Variants in SLC15A5 observed in about 807,000 individuals in gnomAD.
The protein encoded by SLC15A5 is Peptide/histidine transporter ENSP00000340402.
Under a neutral mutation model 56.1 loss-of-function variants are expected in SLC15A5, and 58 were observed. That is an observed-to-expected ratio of 1.03 (90% CI 0.84 to 1.29). The LOEUF is 1.29. Among genes scored for constraint, SLC15A5 ranks in the 50% most tolerant of loss-of-function variants. The pLI is 0.00. For synonymous variants in SLC15A5, 264 were observed against 250.5 expected (o/e 1.05, Z -0.51); for missense variants, 681 against 672.1 (o/e 1.01, Z -0.15).
chr12:16,220,654 T>TTG (rs1591646218), intron 6 of SLC15A5, among the ~76,000 whole-genome samples: 2 of 152,246 alleles, frequency 1.3e-5, no homozygotes, highest in East Asian at 3.8e-4. Context: ...TGAGTAATTG[T>TTG]AACAGAGACT....
intron 8 of SLC15A5, among the ~76,000 whole-genome samples, chr12:16,193,848 T>C (rs1863867747): frequency 9.6e-6 from 1 of 104,470 alleles, no homozygotes; most frequent in African/African-American, 3.9e-5. Flanking sequence ...AGAGAGAGGC[T>C]GGCAATGGAT....
At chr12:16,259,950 G>C (rs539696177) in intron 2 of SLC15A5, among the ~76,000 whole-genome samples, 157 of 150,622 alleles carry the variant, frequency 1.0e-3, no homozygotes, top group Non-Finnish European at 1.7e-3. Flanking sequence ...GGAGATCCAA[G>C]ACAAGTTCCT....
intron 7 of SLC15A5, among the ~76,000 whole-genome samples, chr12:16,201,062 T>C (rs142629557): frequency 1.3e-5 from 2 of 152,222 alleles, no homozygotes; most frequent in East Asian, 3.9e-4. Flanking sequence ...GTCAAAACTC[T>C]TACGGAAATG....
intron 7 of SLC15A5, among the ~76,000 whole-genome samples, chr12:16,201,785 C>G (rs1174877344): frequency 6.6e-6 from 1 of 152,130 alleles, no homozygotes; most frequent in African/African-American, 2.4e-5. Context: ...TCAATTAAAC[C>G]TCTTTCCTTT....
chr12:16,265,593 C>T (rs146450630), intron 2 of SLC15A5, among the ~76,000 whole-genome samples: 115 of 152,282 alleles, frequency 7.6e-4, no homozygotes, highest in Non-Finnish European at 8.5e-4. Flanking sequence ...ATCCTCTTGC[C>T]TCAGCCTCCC....
In SLC15A5 at chr12:16,243,299, C is replaced by T. The variant is rs1170984084; in HGVS notation, c.975+1281G>A. ...GATCTCTGCTCACCGCAACCTCCGC[C>T]TCCTGGGTTCAAGCGATTCTCCAGC... is the stretch of plus-strand genomic sequence containing the variant. On this transcript the variant is annotated intron_variant, in intron 4 of 8. Transcript: ENST00000344941. The surrounding 1 kb of genome is among the most constrained non-coding windows in gnomAD (Gnocchi z 4.4). 6.6e-6 allele frequency among the ~76,000 whole-genome samples: 1 copy of T among 151,360 alleles called. No individual in the cohort carries two copies. Among genetic ancestry groups the T allele is most frequent in the African/African-American group, 2.4e-5 (1 of 41,188 alleles).
chr12:16,192,255 C>T (rs1488212602), intron 8 of SLC15A5, among the ~76,000 whole-genome samples: 1 of 152,076 alleles, frequency 6.6e-6, no homozygotes, highest in Admixed American at 6.6e-5. Flanking sequence ...TTCTTTCCTT[C>T]TTGCTTTGTT....
Position 16,244,767 on chromosome 12 carries a change from A to G in SLC15A5, c.788T>C (p.Val263Ala), listed in dbSNP as rs1052145877. The change falls in exon 4 of 9, where the codon GTT (valine) becomes GCT (alanine). Residue 263 changes from valine to alanine, a missense_variant. Transcript: ENST00000344941. ...CSLLTGVGVL[V>A]SALKTCHPQY... ...CGGGTGGCATGTTTTCAGTGCACTA[A>G]CCAACACCCCAACGCCTGTCAGGAG... 9 of 1,537,856 alleles carry G rather than the reference A, an allele frequency of 5.9e-6. No individual in the cohort carries two copies. The highest frequency in any genetic ancestry group is 7.8e-6 in the Non-Finnish European group (9 of 1,147,038).
chr12:16,232,946 GAAGAAAGAAAGAAGGA>G (rs1041458979), intron 5 of SLC15A5, among the ~76,000 whole-genome samples: 1 of 126,520 alleles, frequency 7.9e-6, no homozygotes, highest in Non-Finnish European at 1.7e-5. Flanking sequence ...AGAGAGAGAG[GAAGAAAGAAAGAAGGA>G]AAGAAAGAAA....
At chr12:16,274,009 T>A (rs1323241672) in intron 1 of SLC15A5, among the ~76,000 whole-genome samples, 2 of 151,192 alleles carry the variant, frequency 1.3e-5, no homozygotes, top group African/African-American at 4.8e-5. Context: ...GTTACACTGT[T>A]GAGTTTTTAA....
intron 5 of SLC15A5, among the ~76,000 whole-genome samples, chr12:16,238,647 AT>A (rs1565667092): frequency 6.6e-6 from 1 of 151,276 alleles, no homozygotes. Context: ...AAAAAAAAAA[AT>A]AAGAACAGGT....
chr12:16,263,588 G>A (rs913821455), intron 2 of SLC15A5, among the ~76,000 whole-genome samples: 2 of 152,160 alleles, frequency 1.3e-5, no homozygotes, highest in African/African-American at 4.8e-5. Context: ...TGGGGAAAAT[G>A]TCTCTCCAGG....
chr12:16,195,143 A>G (rs1863881363), intron 7 of SLC15A5, among the ~76,000 whole-genome samples: 1 of 151,986 alleles, frequency 6.6e-6, no homozygotes, highest in South Asian at 2.1e-4. Flanking sequence ...CAAGGTAATT[A>G]CTTTAATTTG....
In SLC15A5 at chr12:16,243,704, G is replaced by A. The variant is rs541039064; in HGVS notation, c.975+876C>T. Among the ~76,000 whole-genome samples the A allele has an allele frequency of 1.6e-4, 24 of 152,186 alleles. No individual in the cohort carries two copies. Among genetic ancestry groups the A allele is most frequent in the South Asian group, 6.2e-4 (3 of 4,816 alleles). ...TACTGAGAGGCAGAGGACAGATTCC[G>A]CTTTCCCTTACACTACTATTAACTG... On this transcript the variant is annotated intron_variant, in intron 4 of 8. Transcript: ENST00000344941. This position sits in a 1 kb window ranked among gnomAD's most constrained non-coding sequence, Gnocchi z 4.4.
chr12:16,202,644 T>G (rs1484044180), intron 7 of SLC15A5, among the ~76,000 whole-genome samples: 2 of 152,088 alleles, frequency 1.3e-5, no homozygotes, highest in Non-Finnish European at 2.9e-5. Context: ...TCAAAGAAAC[T>G]TTTGTAAATT....
At chr12:16,210,237 A>T (rs754144258) in intron 7 of SLC15A5, among the ~76,000 whole-genome samples, 1 of 152,150 alleles carries the variant, frequency 6.6e-6, no homozygotes. Context: ...TACTCCTAGT[A>T]TGCATGTGCA....
At chr12:16,241,387 G>A (rs1450385933) in intron 4 of SLC15A5, among the ~76,000 whole-genome samples, 1 of 152,172 alleles carries the variant, frequency 6.6e-6, no homozygotes, top group Non-Finnish European at 1.5e-5. Flanking sequence ...TGGAGAATCA[G>A]TATTATGGTG....
intron 2 of SLC15A5, among the ~76,000 whole-genome samples, chr12:16,265,055 A>G (rs1864680584): frequency 6.6e-6 from 1 of 152,160 alleles, no homozygotes; most frequent in Admixed American, 6.6e-5. Context: ...TTTTATTTTC[A>G]GTGCATTGGG....
At chr12:16,240,217 C>A (rs976506238) in intron 4 of SLC15A5, among the ~76,000 whole-genome samples, 2 of 152,110 alleles carry the variant, frequency 1.3e-5, no homozygotes, top group East Asian at 1.9e-4. Flanking sequence ...GACTTTTCTT[C>A]ATGAACACTA....
Sources: gnomAD v4.1 joint callset for allele counts (sites outside exome capture counted in the v4.1 genomes callset) on GRCh38, gnomAD v4.1.1 for gene constraint, Gnocchi (gnomAD v3.1) non-coding constraint, MANE v1.5 for transcripts, NCBI Gene and HGNC (gene_info 2026-07-23, HGNC 2026-07-21) for gene names.